The following C1orf94 variants were observed in gnomAD, a reference collection of about 807,000 sequenced individuals.
The protein encoded by C1orf94 is chromosome 1 open reading frame 94.
Under a neutral mutation model 53.6 loss-of-function variants are expected in C1orf94, and 45 were observed. That is an observed-to-expected ratio of 0.84 (90% CI 0.66 to 1.08). The LOEUF is 1.08. Ranked by LOEUF, C1orf94 falls within the 50% of genes least tolerant of loss-of-function variation. The pLI is 0.00. For synonymous variants in C1orf94, 304 were observed against 296.1 expected (o/e 1.03, Z -0.27); for missense variants, 762 against 738.9 (o/e 1.03, Z -0.36).
Position 34,177,638 on chromosome 1 carries a change from A to T in C1orf94, c.-152A>T. The T allele has an allele frequency of 1.6e-6, 1 of 636,300 alleles. No homozygotes were observed. The highest frequency in any genetic ancestry group is 2.6e-5 in the South Asian group (1 of 38,978). 39.4% of individuals were successfully genotyped at this position (636,300 alleles called of 1,614,324 possible). On this transcript the variant is annotated 5_prime_UTR_variant, in exon 1 of 7. Coordinates refer to ENST00000488417, the MANE Select transcript of C1orf94 (RefSeq NM_001134734.2). Reference sequence around the variant, plus strand: ...AAAGAGCAAATAAAAACAAATCAAAATAAGCCCTCCCCTCCCCAAAAGAAA... The same window carrying T: ...AAAGAGCAAATAAAAACAAATCAAATTAAGCCCTCCCCTCCCCAAAAGAAA...
At chr1:34,205,391 C>T (rs1441099133) in intron 4 of C1orf94, among the ~76,000 whole-genome samples, 5 of 152,182 alleles carry the variant, frequency 3.3e-5, no homozygotes, top group Non-Finnish European at 7.3e-5. Context: ...CATAGCTGAT[C>T]AAGGGGCCTG....
intron 2 of C1orf94, among the ~76,000 whole-genome samples, chr1:34,199,517 C>T (rs945763908): frequency 1.3e-5 from 2 of 152,186 alleles, no homozygotes; most frequent in East Asian, 1.9e-4. Context: ...GCCCCCAAGC[C>T]GCTGGGCTAG....
In C1orf94 at chr1:34,179,936, GT is replaced by G. The variant is rs1447067532; in HGVS notation, c.320+1830del. On this transcript the variant is annotated intron_variant, in intron 1 of 6. Coordinates refer to ENST00000488417, the MANE Select transcript of C1orf94 (RefSeq NM_001134734.2). Reference sequence around the variant, plus strand: ...GAGTAGGGCTGAATTTGAAAAACATGTTTCTGCTATTGAGAAAAGAGATAGG... The same window carrying G: ...GAGTAGGGCTGAATTTGAAAAACATGTTCTGCTATTGAGAAAAGAGATAGG... Among the ~76,000 whole-genome samples, 5 of 152,244 alleles carry G rather than the reference GT, an allele frequency of 3.3e-5. No individual in the cohort carries two copies. The East Asian group carries it at 9.6e-4, about 29-fold the overall frequency.
intron 1 of C1orf94, among the ~76,000 whole-genome samples, chr1:34,188,574 G>A (rs1446186030): frequency 2.0e-5 from 3 of 152,188 alleles, no homozygotes; most frequent in African/African-American, 7.2e-5. Flanking sequence ...GTGAATCTGG[G>A]CCAGCAGGAC....
chr1:34,186,655 T>A (rs1642388907), intron 1 of C1orf94, among the ~76,000 whole-genome samples: 1 of 152,188 alleles, frequency 6.6e-6, no homozygotes, highest in Non-Finnish European at 1.5e-5. Flanking sequence ...ATGGGATAGA[T>A]CTTTTGAGGA....
chr1:34,203,968 A>G (rs970343134), intron 4 of C1orf94, among the ~76,000 whole-genome samples: 1 of 152,108 alleles, frequency 6.6e-6, no homozygotes, highest in Admixed American at 6.5e-5. Context: ...TGTTCCTCGC[A>G]CTGGCTTCTC....
rs1048004804 is a variant in C1orf94, at chr1:34,212,463, G to A, written c.1721+57G>A. On this transcript the variant is annotated intron_variant, in intron 6 of 6. Transcript: ENST00000488417. ...ATCCAGAAAGCTGGTGGGAACGGGGGCAAGTTGGGTGGGCTTACCAGCGCT... is the reference window on the plus strand; with the variant it reads ...ATCCAGAAAGCTGGTGGGAACGGGGACAAGTTGGGTGGGCTTACCAGCGCT... The A allele has an allele frequency of 1.5e-4, 224 of 1,532,406 alleles. 1 individual carries two copies. The highest frequency in any genetic ancestry group is 1.3e-3 in the South Asian group (108 of 80,024). The allele number at this position is 1,532,406 out of a possible 1,614,324, so 94.9% of individuals were successfully genotyped here.
rs184707165 is a variant in C1orf94 at position 34,197,738 on chromosome 1, T to C, written c.834T>C (p.Pro278=). The C allele has an allele frequency of 3.7e-6, 6 of 1,614,184 alleles. No individual in the cohort carries two copies. Among genetic ancestry groups the C allele is most frequent in the Non-Finnish European group, 5.1e-6 (6 of 1,180,040 alleles). The change falls in exon 2 of 7, where the codon CCT becomes CCC. Residue 278 remains proline, a synonymous_variant. Coordinates refer to ENST00000488417, the MANE Select transcript of C1orf94 (RefSeq NM_001134734.2). The surrounding 1 kb of genome is among the most constrained non-coding windows in gnomAD (Gnocchi z 4.1). ...TACAGGACAACCTGTTCAGTGGCCCTGGACCCAAGGAGCCCACAGGGCTGA... is the reference window on the plus strand; with the variant it reads ...TACAGGACAACCTGTTCAGTGGCCCCGGACCCAAGGAGCCCACAGGGCTGA... ...DFLQDNLFSG[P]GPKEPTGLSP...
intron 1 of C1orf94, among the ~76,000 whole-genome samples, chr1:34,189,222 G>A (rs1642439997): frequency 6.6e-6 from 1 of 152,056 alleles, no homozygotes. Context: ...TGGTATATTT[G>A]TGTGCATGGC....
chr1:34,170,247 G>C (rs1160311088), intron 1 of C1orf94, among the ~76,000 whole-genome samples: 1 of 152,158 alleles, frequency 6.6e-6, no homozygotes, highest in African/African-American at 2.4e-5. Flanking sequence ...TAGGTGTTGA[G>C]GAAACAAATA....
Position 34,212,227 on chromosome 1 carries a change from A to G in C1orf94, c.1542A>G (p.Pro514=). The G allele has an allele frequency of 6.2e-7, 1 of 1,611,756 alleles. No homozygotes were observed. Among genetic ancestry groups the G allele is most frequent in the Non-Finnish European group, 8.5e-7 (1 of 1,178,850 alleles). ...ATGTGCAGGTGATGCCATACAACCC[A>G]CAGCAGATGGGACAGCAGATCTTCC... ...CYSQQVMPYN[P]QQMGQQIFRS... is the part of the protein sequence containing the mutation. The change falls in exon 6 of 7, where the codon CCA becomes CCG. Residue 514 remains proline, a synonymous_variant. Coordinates refer to ENST00000488417, the MANE Select transcript of C1orf94 (RefSeq NM_001134734.2).
At chr1:34,204,046 A>G (rs1642754750) in intron 4 of C1orf94, among the ~76,000 whole-genome samples, 1 of 152,188 alleles carries the variant, frequency 6.6e-6, no homozygotes, top group South Asian at 2.1e-4. Flanking sequence ...GACCTTGGCA[A>G]TTTGCTGCCC....
intron 1 of C1orf94, among the ~76,000 whole-genome samples, chr1:34,188,325 T>G (rs1642419776): frequency 6.6e-6 from 1 of 152,178 alleles, no homozygotes; most frequent in Non-Finnish European, 1.5e-5. Flanking sequence ...GATTGACCTT[T>G]ATTGAGTTCT....
chr1:34,185,418 G>T (rs1642370773), intron 1 of C1orf94, among the ~76,000 whole-genome samples: 2 of 152,190 alleles, frequency 1.3e-5, no homozygotes, highest in African/African-American at 4.8e-5. Flanking sequence ...GATCTCAGGT[G>T]ATCCACCTGG....
At chr1:34,185,855 C>T (rs900838443) in intron 1 of C1orf94, among the ~76,000 whole-genome samples, 6 of 152,220 alleles carry the variant, frequency 3.9e-5, no homozygotes, top group East Asian at 1.9e-4. Flanking sequence ...AGTGGCCCTG[C>T]CTCCATCTCT....
At chr1:34,190,448 A>G (rs910851318) in intron 1 of C1orf94, among the ~76,000 whole-genome samples, 27 of 152,086 alleles carry the variant, frequency 1.8e-4, no homozygotes, top group African/African-American at 5.6e-4. Flanking sequence ...ATTATTCCCA[A>G]TGATGCACCA....
At chr1:34,203,630 A>G (rs370204147) in intron 4 of C1orf94, among the ~76,000 whole-genome samples, 2 of 152,204 alleles carry the variant, frequency 1.3e-5, no homozygotes, top group Admixed American at 1.3e-4. Flanking sequence ...GTACCAACCA[A>G]GGTGGCTTGG....
At position 34,212,357 on chromosome 1, in the gene C1orf94, C is replaced by A. The variant is rs1435113532; in HGVS notation, c.1672C>A (p.Pro558Thr). 2 of 1,613,556 alleles carry A rather than the reference C, an allele frequency of 1.2e-6. No individual in the cohort carries two copies. The change falls in exon 6 of 7, where the codon CCC becomes ACC. Residue 558 changes from proline to threonine, a missense_variant. Pro to Thr is a conservative substitution (Grantham distance 38, BLOSUM62 -1). Transcript: ENST00000488417. ...GATGTCTGCCAACCCCCGAGACCCT[C>A]CCCTAATGGCAGGAGATGGACCGCA... ...PKMSANPRDP[P>T]LMAGDGPQYL...
chr1:34,202,722 A>G (rs986530513), intron 4 of C1orf94, among the ~76,000 whole-genome samples: 1 of 152,192 alleles, frequency 6.6e-6, no homozygotes, highest in South Asian at 2.1e-4. Flanking sequence ...GACAGTCCCA[A>G]TTTAGGTCTT....
Sources: gnomAD v4.1 joint callset for allele counts (sites outside exome capture counted in the v4.1 genomes callset) on GRCh38, gnomAD v4.1.1 for gene constraint, Gnocchi (gnomAD v3.1) non-coding constraint, MANE v1.5 for transcripts, NCBI Gene and HGNC (gene_info 2026-07-23, HGNC 2026-07-21) for gene names.